The following MALRD1 variants were observed in gnomAD, a reference collection of about 807,000 sequenced individuals.
MALRD1 encodes MAM and LDL receptor class A domain containing 1, also known as MAM and LDL-receptor class A domain-containing protein 1.
In MALRD1, 247 loss-of-function variants were observed where a neutral mutation model predicts 242.1. That is an observed-to-expected ratio of 1.02 (90% CI 0.92 to 1.13). MALRD1 has a LOEUF of 1.13. MALRD1 is among the 50% of genes most tolerant of loss of function. The probability of loss-of-function intolerance (pLI) is 0.00; values close to 1 mark genes in which losing one functional copy is unlikely to be tolerated. For missense variants in MALRD1, 2,989 were observed against 2,533.1 expected (o/e 1.18, Z -3.86); for synonymous variants, 995 against 866.6 (o/e 1.15, Z -2.60).
chr10:19,393,502 G>A (rs1164383464), intron 28 of MALRD1, among the ~76,000 whole-genome samples: 1 of 140,446 alleles, frequency 7.1e-6, no homozygotes, highest in African/African-American at 2.7e-5. Flanking sequence ...CTGGAGTGCA[G>A]TGGTGTGATC....
chr10:19,140,953 CA>C (rs1357380523), intron 10 of MALRD1, among the ~76,000 whole-genome samples: 5 of 151,992 alleles, frequency 3.3e-5, no homozygotes, highest in Admixed American at 6.6e-5. Flanking sequence ...ATCACACACA[CA>C]AAAGGTAACT....
chr10:19,547,803 TATATATATATATATA>T (rs1240381460), intron 32 of MALRD1, among the ~76,000 whole-genome samples: 254 of 15,816 alleles, frequency 0.016, 2 homozygotes, highest in African/African-American at 0.039. Flanking sequence ...TATATATATA[TATATATATATATATA>T]TTTTTTTTTT....
intron 18 of MALRD1, 52 bp downstream of exon 18, chr10:19,209,732 A>C: frequency 1.4e-6 from 2 of 1,434,510 alleles, no homozygotes; most frequent in Non-Finnish European, 1.9e-6. Context: ...TGAATGTCTA[A>C]GGAATATGAA....
chr10:19,476,834 C>G (rs933617626), intron 29 of MALRD1, among the ~76,000 whole-genome samples: 11 of 152,224 alleles, frequency 7.2e-5, no homozygotes, highest in South Asian at 4.1e-4. Flanking sequence ...ATTCGTGAGT[C>G]TTTCGTGGAG....
At chr10:19,211,684 C>CAAAAAAAAAAA (rs71387056) in intron 18 of MALRD1, among the ~76,000 whole-genome samples, 2 of 67,324 alleles carry the variant, frequency 3.0e-5, no homozygotes, top group Non-Finnish European at 5.0e-5. Flanking sequence ...TGACTCCTCA[C>CAAAAAAAAAAA]AAAAAAAAAA....
rs542332254 is a variant in MALRD1, at chr10:19,171,122, A to AT, written c.1831-4083dup. Among the ~76,000 whole-genome samples the AT allele has an allele frequency of 5.9e-5, 9 of 152,096 alleles. 1 individual carries two copies. The South Asian group carries it at 1.9e-3, about 32-fold the overall frequency. ...AAAAAGTAATCACTTGATTATGAAC[A>AT]TTTATGAATTTTTGTGGTTCCTAAA... On this transcript the variant is annotated intron_variant, in intron 13 of 39. Transcript: ENST00000454679.
rs902574188 is a variant in MALRD1 at position 19,708,653 on chromosome 10, TTTTTTA to T, written c.6314+16109_6314+16114del. On this transcript the variant is annotated intron_variant, in intron 38 of 39. Coordinates refer to ENST00000454679, the MANE Select transcript of MALRD1 (RefSeq NM_001142308.3). ...GAGCCGCCGTGCCTGGCCACATTTA[TTTTTTA>T]TTTTTATTTATTTATTTTTTGAGAC... 1.7e-5 allele frequency among the ~76,000 whole-genome samples: 2 copies of T among 120,216 alleles called. 1 individual carries two copies. The highest frequency in any genetic ancestry group is 1.9e-4 in the Admixed American group (2 of 10,578). The allele number at this position is 120,216 out of a possible 152,430, so 78.9% of individuals were successfully genotyped here.
At chr10:19,544,568 CT>C (rs370982591) in intron 32 of MALRD1, among the ~76,000 whole-genome samples, 8,482 of 143,980 alleles carry the variant, frequency 0.059, 262 homozygotes, top group Middle Eastern at 0.092. Flanking sequence ...ATTGCTGTGC[CT>C]TTTTTTTTTT....
intron 38 of MALRD1, among the ~76,000 whole-genome samples, chr10:19,713,287 T>C (rs1445693481): frequency 6.6e-6 from 1 of 152,226 alleles, no homozygotes; most frequent in East Asian, 1.9e-4. Context: ...TTCTAAGCAT[T>C]TATTCTCTGT....
chr10:19,379,579 G>A (rs905100919), intron 26 of MALRD1, among the ~76,000 whole-genome samples: 12 of 152,066 alleles, frequency 7.9e-5, no homozygotes, highest in African/African-American at 2.9e-4. Flanking sequence ...AAATATTTGT[G>A]TGATTTTTCA....
chr10:19,539,214 G>T (rs530345633), intron 32 of MALRD1, among the ~76,000 whole-genome samples: 2 of 152,146 alleles, frequency 1.3e-5, no homozygotes, highest in African/African-American at 4.8e-5. Flanking sequence ...AATGAGGCAA[G>T]TACTGACGTT....
intron 18 of MALRD1, among the ~76,000 whole-genome samples, chr10:19,230,844 G>A (rs1289409778): frequency 6.6e-6 from 1 of 152,154 alleles, no homozygotes; most frequent in Admixed American, 6.6e-5. Flanking sequence ...AAAAACTTTT[G>A]AGTGTTAATA....
intron 33 of MALRD1, among the ~76,000 whole-genome samples, chr10:19,589,798 G>A (rs1268209585): frequency 6.6e-6 from 1 of 152,028 alleles, no homozygotes; most frequent in East Asian, 1.9e-4. Context: ...CCTTTCTGAT[G>A]GTACTCTTTG....
At chr10:19,490,132 T>C (rs773949157) in intron 29 of MALRD1, among the ~76,000 whole-genome samples, 1 of 152,188 alleles carries the variant, frequency 6.6e-6, no homozygotes, top group Non-Finnish European at 1.5e-5. Context: ...AGATTTTTGG[T>C]ACATGTCTTA....
At chr10:19,529,876 CATT>C (rs1480196780) in intron 31 of MALRD1, among the ~76,000 whole-genome samples, 1 of 151,930 alleles carries the variant, frequency 6.6e-6, no homozygotes, top group Non-Finnish European at 1.5e-5. Flanking sequence ...CATTACATAA[CATT>C]ATGTAGTAAT....
intron 7 of MALRD1, among the ~76,000 whole-genome samples, chr10:19,127,468 A>C (rs1161832654): frequency 1.7e-4 from 26 of 152,128 alleles, no homozygotes; most frequent in Admixed American, 1.6e-3. Flanking sequence ...TTCTTGTTGT[A>C]TTTGGGTTTC....
rs148411490 is a variant in MALRD1 at position 19,636,636 on chromosome 10, C to G, written c.6137+20713C>G. On this transcript the variant is annotated intron_variant, in intron 36 of 39. Coordinates refer to ENST00000454679, the MANE Select transcript of MALRD1 (RefSeq NM_001142308.3). ...TACAGTGGCCCAGTACAGTGGCTCA[C>G]GTCTGTAATCCCAGCACTTTGGAAG... 1.2e-4 allele frequency among the ~76,000 whole-genome samples: 18 copies of G among 152,170 alleles called. No individual in the cohort carries two copies. In the East Asian group the frequency reaches 3.5e-3, roughly 29 times the overall value.
At chr10:19,688,039 G>A (rs913428282) in intron 36 of MALRD1, among the ~76,000 whole-genome samples, 5 of 151,876 alleles carry the variant, frequency 3.3e-5, no homozygotes, top group South Asian at 2.1e-4. Flanking sequence ...GAGTGATCTC[G>A]AGTCACTGCA....
chr10:19,522,961 A>C (rs56102804), intron 31 of MALRD1, among the ~76,000 whole-genome samples: 1 of 152,202 alleles, frequency 6.6e-6, no homozygotes, highest in South Asian at 2.1e-4. Flanking sequence ...TATTCAATCA[A>C]TAACTTGCAA....
Sources: gnomAD v4.1 joint callset for allele counts (sites outside exome capture counted in the v4.1 genomes callset) on GRCh38, gnomAD v4.1.1 for gene constraint, MANE v1.5 for transcripts, NCBI Gene and HGNC (gene_info 2026-07-23, HGNC 2026-07-21) for gene names.